Variants in LAMB1 observed in about 807,000 individuals in gnomAD.
The protein encoded by LAMB1 is laminin subunit beta 1.
LAMB1 carries 121 observed loss-of-function variants against 222.3 expected under a neutral mutation model. The observed-to-expected ratio is 0.54, with a 90% confidence interval of 0.47 to 0.63. LAMB1 has a LOEUF of 0.63. Ranked by LOEUF, LAMB1 falls within the 30% of genes least tolerant of loss-of-function variation. The pLI, the probability that LAMB1 is intolerant of heterozygous loss-of-function variation, is 0.00. For synonymous variants in LAMB1, 794 were observed against 807.2 expected, an observed-to-expected ratio of 0.98 and a Z score of 0.28; for missense variants, 2,172 against 2,240.8, an observed-to-expected ratio of 0.97 and a Z score of 0.62.
At chr7:107,991,490 G>C (rs999758084) in intron 5 of LAMB1, among the ~76,000 whole-genome samples, 2 of 152,070 alleles carry the variant, frequency 1.3e-5, no homozygotes, top group African/African-American at 4.8e-5. Flanking sequence ...GGGGGGCTGA[G>C]GCAGGAGAAC....
At chr7:107,948,879 T>C (rs1194144535) in intron 24 of LAMB1, among the ~76,000 whole-genome samples, 1 of 152,074 alleles carries the variant, frequency 6.6e-6, no homozygotes, top group Non-Finnish European at 1.5e-5. Flanking sequence ...AGTTCCTCCA[T>C]TAACTAAATT....
At chr7:107,957,637 A>G (rs931522369) in intron 20 of LAMB1, among the ~76,000 whole-genome samples, 1 of 152,248 alleles carries the variant, frequency 6.6e-6, no homozygotes, top group African/African-American at 2.4e-5. Context: ...CTGAGGTCCA[A>G]GGATTTCCAA....
chr7:107,983,752 G>A (rs2034019445), intron 7 of LAMB1, among the ~76,000 whole-genome samples: 1 of 151,840 alleles, frequency 6.6e-6, no homozygotes, highest in South Asian at 2.1e-4. Flanking sequence ...TCCTGACCTC[G>A]TGATCCACCC....
chr7:107,986,279 A>G lies in LAMB1; in HGVS notation c.508T>C (p.Cys170Arg), dbSNP rs1341887153. 3 of 1,614,164 alleles carry G rather than the reference A, an allele frequency of 1.9e-6. No individual in the cohort carries two copies. Among genetic ancestry groups the G allele is most frequent in the Non-Finnish European group, 1.7e-6 (2 of 1,179,988 alleles). ...GAAATGCCTGGAAACGAGGCCTCAC[A>G]GTCATAGGCGAAGTATCTATACACA... ...WGVYRYFAYDCEASFPGISTG... is the reference protein window; with the variant it reads ...WGVYRYFAYDREASFPGISTG... The change falls in exon 6 of 34, where the codon TGT becomes CGT. Residue 170 changes from cysteine to arginine, a missense_variant. Coordinates refer to ENST00000222399, the MANE Select transcript of LAMB1 (RefSeq NM_002291.3).
chr7:107,979,622 T>TCC (rs1011531733), intron 8 of LAMB1, among the ~76,000 whole-genome samples: 3 of 152,146 alleles, frequency 2.0e-5, no homozygotes, highest in Admixed American at 6.5e-5. Context: ...AACTCATCTA[T>TCC]CCATTTGGCA....
At chr7:107,951,126 G>T in intron 24 of LAMB1, 100 bp downstream of exon 24, 1 of 803,230 alleles carries the variant, frequency 1.2e-6, no homozygotes, top group Non-Finnish European at 2.1e-6. Context: ...TTATAGACAC[G>T]TTAATTTGTA....
At chr7:107,999,012 C>T (rs187671958) in intron 3 of LAMB1, among the ~76,000 whole-genome samples, 4 of 152,312 alleles carry the variant, frequency 2.6e-5, no homozygotes, top group African/African-American at 7.2e-5. Context: ...CCACCCTGCC[C>T]GAGCAGTGAA....
intron 21 of LAMB1, among the ~76,000 whole-genome samples, chr7:107,955,229 T>C (rs1284647186): frequency 6.6e-6 from 1 of 152,250 alleles, no homozygotes; most frequent in Non-Finnish European, 1.5e-5. Context: ...ACAGGGTTTC[T>C]AGATTTCCAC....
chr7:108,002,324 T>TG (rs1490815669), intron 2 of LAMB1: 1 of 1,312,504 alleles, frequency 7.6e-7, no homozygotes, highest in Non-Finnish European at 1.0e-6. Context: ...GGACAGTCCC[T>TG]GGGGCTCTGG....
At chr7:107,989,233 A>G (rs1025782160) in intron 5 of LAMB1, among the ~76,000 whole-genome samples, 2 of 152,218 alleles carry the variant, frequency 1.3e-5, no homozygotes, top group African/African-American at 4.8e-5. Context: ...ATAGGCAAAC[A>G]GGCAAAGGTT....
At chr7:107,936,396 G>A (rs2032847476) in intron 26 of LAMB1, 1 of 152,144 alleles carries the variant, frequency 6.6e-6, no homozygotes, top group Non-Finnish European at 1.5e-5. Flanking sequence ...AAGAAAGAGA[G>A]AGAGAGAAAA....
intron 13 of LAMB1, among the ~76,000 whole-genome samples, chr7:107,967,096 C>T (rs1395363523): frequency 2.0e-5 from 3 of 152,232 alleles, no homozygotes; most frequent in African/African-American, 7.2e-5. Flanking sequence ...GACTGGCCAG[C>T]TGTCATCTCT....
At chr7:107,974,944 T>C (rs573325494) in intron 12 of LAMB1, 42 bp downstream of exon 12, 2 of 1,138,056 alleles carry the variant, frequency 1.8e-6, no homozygotes, top group African/African-American at 3.0e-5. Context: ...AAACATGTCA[T>C]CCTCACCAAC....
chr7:107,985,027 C>T (rs768711207), intron 7 of LAMB1, among the ~76,000 whole-genome samples: 34 of 152,104 alleles, frequency 2.2e-4, no homozygotes, highest in Non-Finnish European at 4.7e-4. Context: ...ATTTGAACAA[C>T]TAGATTTGGG....
intron 24 of LAMB1, among the ~76,000 whole-genome samples, chr7:107,947,438 T>A (rs1372553675): frequency 6.6e-6 from 1 of 152,240 alleles, no homozygotes; most frequent in Non-Finnish European, 1.5e-5. Flanking sequence ...CATCTAATTT[T>A]GAATGACACC....
At chr7:107,957,845 A>G (rs1460757686) in intron 20 of LAMB1, among the ~76,000 whole-genome samples, 1 of 152,178 alleles carries the variant, frequency 6.6e-6, no homozygotes, top group Non-Finnish European at 1.5e-5. Context: ...TAGAATTCCA[A>G]ATACTTAAAA....
At chr7:107,990,205 AT>A (rs2034156614) in intron 5 of LAMB1, among the ~76,000 whole-genome samples, 2 of 151,866 alleles carry the variant, frequency 1.3e-5, no homozygotes, top group Non-Finnish European at 2.9e-5. Context: ...TGCCTGGCTA[AT>A]TTTTTAATTT....
chr7:108,000,867 G>C (rs946268287), intron 3 of LAMB1, among the ~76,000 whole-genome samples: 1 of 152,158 alleles, frequency 6.6e-6, no homozygotes, highest in Non-Finnish European at 1.5e-5. Flanking sequence ...AAAAATGAAG[G>C]AAAAGTATTC....
At chr7:107,951,901 G>T (rs576162336) in intron 23 of LAMB1, 108 bp downstream of exon 23, 8 of 895,166 alleles carry the variant, frequency 8.9e-6, no homozygotes, top group Non-Finnish European at 1.4e-5. Context: ...TCCAGGCCAC[G>T]CTGTGTTTCA....
Sources: allele counts gnomAD v4.1 joint callset (sites outside exome capture counted in the v4.1 genomes callset), GRCh38; gene constraint gnomAD v4.1.1; transcripts MANE v1.5; gene names NCBI Gene and HGNC (gene_info 2026-07-23, HGNC 2026-07-21).